Variants in CCDC40 observed in about 807,000 individuals in gnomAD.
CCDC40 encodes the protein coiled-coil domain 40 molecular ruler complex subunit, also known as coiled-coil domain-containing protein 40.
A neutral mutation model predicts 124.5 loss-of-function variants in CCDC40; 104 were observed. That is an observed-to-expected ratio of 0.84 (90% CI 0.71 to 0.98). CCDC40 has a LOEUF of 0.98. Among genes scored for constraint, CCDC40 ranks in the 50% least tolerant of loss-of-function variants. The pLI is 0.00. For missense variants in CCDC40, 1,463 were observed against 1,503.9 expected (o/e 0.97, Z 0.45); for synonymous variants, 580 against 602.9 (o/e 0.96, Z 0.56).
Position 80,086,841 on chromosome 17 carries a change from G to A in CCDC40, c.2449+625G>A, listed in dbSNP as rs953532808. 14 of 159,552 alleles carry A rather than the reference G, an allele frequency of 8.8e-5. No homozygotes were observed. Among genetic ancestry groups the A allele is most frequent in the South Asian group, 7.3e-4 (4 of 5,484 alleles). The allele number at this position is 159,552 out of a possible 1,614,324, so 9.9% of individuals were successfully genotyped here. A position where few individuals can be genotyped will look rare whatever the true frequency, so the allele number is the denominator to read the frequency against. On this transcript the variant is annotated intron_variant, in intron 14 of 19. Coordinates refer to ENST00000397545, the MANE Select transcript of CCDC40 (RefSeq NM_017950.4). This position sits in a 1 kb window ranked among gnomAD's most constrained non-coding sequence, Gnocchi z 5.5. The stretch of plus-strand genomic sequence containing the variant: ...CCCAGACACATCATGTGCCCTTCTC[G>A]GAGGTCCTGCTGCCTCTCGCCCTGC...
chr17:80,037,021 G>C (rs1005709657), intron 1 of CCDC40, among the ~76,000 whole-genome samples: 4 of 152,142 alleles, frequency 2.6e-5, no homozygotes, highest in African/African-American at 9.7e-5. Flanking sequence ...CTGCGTGGCG[G>C]TCCCTGCGCG....
intron 7 of CCDC40, among the ~76,000 whole-genome samples, chr17:80,052,243 G>A (rs1383371601): frequency 3.9e-5 from 6 of 152,194 alleles, no homozygotes; most frequent in Non-Finnish European, 8.8e-5. Flanking sequence ...TCCCACAATA[G>A]GCCGTCTGCA....
At chr17:80,059,564 C>CT (rs11429330) in intron 9 of CCDC40, among the ~76,000 whole-genome samples, 47,311 of 142,412 alleles carry the variant, frequency 0.33, 10,312 homozygotes, top group African/African-American at 0.63. Context: ...AAACAATTAA[C>CT]TTTTTTTTTT....
In CCDC40 at chr17:80,099,557, C is replaced by T. The variant is rs779485153; in HGVS notation, c.3211C>T (p.Arg1071Cys). 8.8e-5 allele frequency: 142 copies of T among 1,612,060 alleles called. No individual in the cohort carries two copies. Among genetic ancestry groups the T allele is most frequent in the Non-Finnish European group, 1.0e-4 (122 of 1,180,018 alleles). Residue 1071 changes from arginine to cysteine, a missense_variant, in exon 20 of 20, where the codon CGC becomes TGC. Arg to Cys is a radical substitution (Grantham distance 180). Coordinates refer to ENST00000397545, the MANE Select transcript of CCDC40 (RefSeq NM_017950.4). ...NLSEIVALQT[R>C]LKHLQAVKEG... ...TTCAGAGATCGTGGCCCTGCAGACACGCCTTAAGCACCTGCAGGCTGTGAA... is the reference window on the plus strand; with the variant it reads ...TTCAGAGATCGTGGCCCTGCAGACATGCCTTAAGCACCTGCAGGCTGTGAA...
At chr17:80,090,754 G>A in intron 17 of CCDC40, 1 of 1,376,508 alleles carries the variant, frequency 7.3e-7, no homozygotes, top group South Asian at 1.6e-5. Flanking sequence ...AAAGGTTCAG[G>A]GCCTTAAGGA....
chr17:80,095,474 C>G (rs1567817111), intron 18 of CCDC40, 23 bp downstream of exon 18: 1 of 1,610,216 alleles, frequency 6.2e-7, no homozygotes, highest in Non-Finnish European at 8.5e-7. Context: ...GGAAAGGAAA[C>G]AGGGCGCCTG....
At position 80,065,733 on chromosome 17, in the gene CCDC40, T is replaced by G; in HGVS notation, c.1562+127T>G. 9 of 1,271,998 alleles carry G rather than the reference T, an allele frequency of 7.1e-6. No individual in the cohort carries two copies. In the South Asian group the frequency reaches 7.4e-5, roughly 10 times the overall value. 78.8% of individuals were successfully genotyped at this position (1,271,998 alleles called of 1,614,324 possible). A position where few individuals can be genotyped will look rare whatever the true frequency, so the allele number is the denominator to read the frequency against. ...CAGAGGGTGCACCTTGATCCCCGGG[T>G]CCGGGCTTCCGTCCGGAAAGCTCCC... is the stretch of plus-strand genomic sequence containing the variant. On this transcript the variant is annotated intron_variant, in intron 10 of 19. Transcript: ENST00000397545.
intron 12 of CCDC40, among the ~76,000 whole-genome samples, chr17:80,083,460 G>T (rs1395572753): frequency 2.0e-5 from 3 of 152,300 alleles, no homozygotes; most frequent in Middle Eastern, 6.8e-3. Flanking sequence ...CCCTGAGGAG[G>T]CTGGGGTAGG....
chr17:80,058,597 G>C lies in CCDC40; in HGVS notation c.1263G>C (p.Val421=). ...ACGACATCCGCGTGATGACACAAGT[G>C]GTAAAGAAGGCCGAGACGGAGAGGA... ...MRDDIRVMTQ[V]VKKAETERIR... is the part of the protein sequence containing the mutation. Residue 421 remains valine (V), a synonymous_variant, in exon 8 of 20, where the codon GTG becomes GTC. Transcript: ENST00000397545. The surrounding 1 kb of genome is among the most constrained non-coding windows in gnomAD (Gnocchi z 4.2). 1 of 1,614,222 alleles carries C rather than the reference G, an allele frequency of 6.2e-7. No individual in the cohort carries two copies. The highest frequency in any genetic ancestry group is 8.5e-7 in the Non-Finnish European group (1 of 1,180,034).
chr17:80,040,830 T>C (rs994738947), intron 3 of CCDC40, among the ~76,000 whole-genome samples: 8 of 152,156 alleles, frequency 5.3e-5, no homozygotes, highest in Non-Finnish European at 1.0e-4. Flanking sequence ...GGCATCCAAG[T>C]TCCCAGGCTT....
At position 80,038,162 on chromosome 17, in the gene CCDC40, G is replaced by A. The variant is rs781621599; in HGVS notation, c.69G>A (p.Lys23=). 9.9e-6 allele frequency: 16 copies of A among 1,610,086 alleles called. No homozygotes were observed. The highest frequency in any genetic ancestry group is 4.4e-5 in the South Asian group (4 of 90,966). The change falls in exon 2 of 20, where the codon AAG becomes AAA. Residue 23 remains lysine (K), a synonymous_variant. Coordinates refer to ENST00000397545, the MANE Select transcript of CCDC40 (RefSeq NM_017950.4). ...ATGGATCGGCTTCTGAGGGAGAGAA[G>A]GAAGGGAATAATGAAAGCCACATGG... ...PEDGSASEGE[K]EGNNESHMVS...
chr17:80,049,319 C>T (rs906486178), intron 5 of CCDC40, among the ~76,000 whole-genome samples: 2 of 151,378 alleles, frequency 1.3e-5, no homozygotes, highest in South Asian at 2.1e-4. Flanking sequence ...GCAGGAGAAT[C>T]GCTTAAACCC....
At chr17:80,099,385 C>A in intron 19 of CCDC40, 142 bp from the exon 20 acceptor site, 1 of 923,390 alleles carries the variant, frequency 1.1e-6, no homozygotes, top group Non-Finnish European at 1.7e-6. Context: ...GATCCAGGGG[C>A]GCAACACCTT....
At position 80,045,160 on chromosome 17, in the gene CCDC40, G is replaced by A. The variant is rs371332170; in HGVS notation, c.553-2119G>A. Among the ~76,000 whole-genome samples the A allele has an allele frequency of 5.3e-3, 804 of 152,314 alleles. 3 individuals are homozygous for A. Among genetic ancestry groups the A allele is most frequent in the African/African-American group, 0.015 (639 of 41,566 alleles). On this transcript the variant is annotated intron_variant, in intron 3 of 19. Coordinates refer to ENST00000397545, the MANE Select transcript of CCDC40 (RefSeq NM_017950.4). The stretch of plus-strand genomic sequence containing the variant: ...TGGGCTGGAGACAGAGACAGCCGGC[G>A]CCGAACATACCTGGGGCTGCCCGTG...
Position 80,065,335 on chromosome 17 carries a change from G to A in CCDC40, c.1441-150G>A, listed in dbSNP as rs911280868. On this transcript the variant is annotated intron_variant, in intron 9 of 19. Transcript: ENST00000397545. Reference sequence around the variant, plus strand: ...TCTTGAAAGCTACATTCAGGCTCGTGTTTACCCCTCTGCAGATGCATGATC... The same window carrying A: ...TCTTGAAAGCTACATTCAGGCTCGTATTTACCCCTCTGCAGATGCATGATC... 104 of 1,085,854 alleles carry A rather than the reference G, an allele frequency of 9.6e-5. 1 individual carries two copies. The Admixed American group carries it at 1.7e-3, about 18-fold the overall frequency. 67.3% of individuals were successfully genotyped at this position (1,085,854 alleles called of 1,614,324 possible).
At chr17:80,098,227 T>C (rs1201991762) in intron 19 of CCDC40, among the ~76,000 whole-genome samples, 1 of 152,146 alleles carries the variant, frequency 6.6e-6, no homozygotes, top group Non-Finnish European at 1.5e-5. Context: ...GGTTAGGGTA[T>C]GTAAGACCCA....
Position 80,049,910 on chromosome 17 carries a change from T to C in CCDC40, c.860T>C (p.Leu287Pro), listed in dbSNP as rs201898386. The change falls in exon 6 of 20, where the codon CTG (leucine) becomes CCG (proline). Residue 287 changes from leucine to proline, a missense_variant. Coordinates refer to ENST00000397545, the MANE Select transcript of CCDC40 (RefSeq NM_017950.4). ...TGTGGTTTTCCATTGTTCTAGCCCCTGATGGTAAGATTCCAGGCTGCCCTG... is the reference window on the plus strand; with the variant it reads ...TGTGGTTTTCCATTGTTCTAGCCCCCGATGGTAAGATTCCAGGCTGCCCTG... ...QLVVLDPDHP[L>P]MVRFQAALKN... is the part of the protein sequence containing the mutation. The C allele has an allele frequency of 9.3e-6, 15 of 1,613,888 alleles. No homozygotes were observed. In the East Asian group the frequency reaches 2.9e-4, roughly 31 times the overall value.
chr17:80,089,349 G>A (rs144581019), intron 16 of CCDC40, among the ~76,000 whole-genome samples: 4 of 152,272 alleles, frequency 2.6e-5, no homozygotes, highest in East Asian at 1.9e-4. Flanking sequence ...TAGAATCTAG[G>A]CAAAAAATTA....
In CCDC40 at chr17:80,058,461, C is replaced by T. The variant is rs376685618; in HGVS notation, c.1160-33C>T. 8.2e-5 allele frequency: 132 copies of T among 1,609,254 alleles called. 1 individual carries two copies. In the African/African-American group the frequency reaches 1.5e-3, roughly 19 times the overall value. On this transcript the variant is annotated intron_variant, in intron 7 of 19. Transcript: ENST00000397545. This position sits in a 1 kb window ranked among gnomAD's most constrained non-coding sequence, Gnocchi z 4.2. ...CGCTGGGACAGCCTCCCCACTCACT[C>T]TCTCTCTCTTTCTCCCCCGCCGCGC... is the stretch of plus-strand genomic sequence containing the variant.
Sources: allele counts gnomAD v4.1 joint callset (sites outside exome capture counted in the v4.1 genomes callset), GRCh38; gene constraint gnomAD v4.1.1; non-coding constraint Gnocchi (gnomAD v3.1); transcripts MANE v1.5; gene names NCBI Gene and HGNC (gene_info 2026-07-23, HGNC 2026-07-21).